Variants in ADAM19 observed in about 807,000 individuals in gnomAD.
The protein encoded by ADAM19 is ADAM metallopeptidase domain 19.
A neutral mutation model predicts 114.7 loss-of-function variants in ADAM19; 65 were observed. The observed-to-expected ratio is 0.57, with a 90% CI of 0.46 to 0.70. ADAM19 has a LOEUF of 0.70. ADAM19 is among the 30% of genes least tolerant of loss of function. ADAM19 has a pLI of 0.00. For missense variants in ADAM19, 1,063 were observed against 1,204.7 expected, an observed-to-expected ratio of 0.88 and a Z score of 1.74; for synonymous variants, 466 against 460.5, an observed-to-expected ratio of 1.01 and a Z score of -0.15.
chr5:157,550,998 G>T (rs1757179253), intron 3 of ADAM19, among the ~76,000 whole-genome samples: 1 of 152,132 alleles, frequency 6.6e-6, no homozygotes, highest in Non-Finnish European at 1.5e-5. Flanking sequence ...CCACGAAAAT[G>T]ATATGATAGT....
At chr5:157,500,615 C>T (rs1047895280) in intron 12 of ADAM19, among the ~76,000 whole-genome samples, 1 of 152,166 alleles carries the variant, frequency 6.6e-6, no homozygotes, top group Non-Finnish European at 1.5e-5. Flanking sequence ...CAAGAGTCTG[C>T]TGGAACAACC....
chr5:157,490,548 G>T lies in ADAM19; in HGVS notation c.2096-94C>A, dbSNP rs115504583. ...ATTCGTGCTTCTTCTTCAGGCATTT[G>T]ATTTGCATTTAATTTGTATTACTTA... On this transcript the variant is annotated intron_variant, in intron 18 of 22. Coordinates refer to ENST00000257527, the MANE Select transcript of ADAM19 (RefSeq NM_033274.5). The T allele has an allele frequency of 1.6e-3, 2,221 of 1,416,158 alleles. 24 individuals are homozygous for T. In the African/African-American group the frequency reaches 0.027, roughly 17 times the overall value. 87.7% of individuals were successfully genotyped at this position (1,416,158 alleles called of 1,614,324 possible). A position where few individuals can be genotyped will look rare whatever the true frequency, so the allele number is the denominator to read the frequency against.
At chr5:157,549,209 C>G (rs1757125615) in intron 3 of ADAM19, among the ~76,000 whole-genome samples, 1 of 152,212 alleles carries the variant, frequency 6.6e-6, no homozygotes, top group Non-Finnish European at 1.5e-5. Context: ...TCACCTACTT[C>G]CCTGACCACA....
chr5:157,536,109 A>C (rs887697599), intron 4 of ADAM19, among the ~76,000 whole-genome samples: 1 of 152,222 alleles, frequency 6.6e-6, no homozygotes, highest in African/African-American at 2.4e-5. Flanking sequence ...CCCATCCAAG[A>C]AAGTCTTGGT....
Position 157,477,325 on chromosome 5 carries a change from A to G in ADAM19, c.*3624T>C. 3 of 999,740 alleles carry G rather than the reference A, an allele frequency of 3.0e-6. No homozygotes were observed. Among genetic ancestry groups the G allele is most frequent in the Non-Finnish European group, 3.6e-6 (3 of 837,658 alleles). The allele number at this position is 999,740 out of a possible 1,614,324, so 61.9% of individuals were successfully genotyped here. A position where few individuals can be genotyped will look rare whatever the true frequency, so the allele number is the denominator to read the frequency against. On this transcript the variant is annotated 3_prime_UTR_variant, in exon 23 of 23. Coordinates refer to ENST00000257527, the MANE Select transcript of ADAM19 (RefSeq NM_033274.5). Reference sequence around the variant, plus strand: ...CAGATAACATTGCAAATGACAAACAATTCATTTTTAATTAAATACTAACAA... The same window carrying G: ...CAGATAACATTGCAAATGACAAACAGTTCATTTTTAATTAAATACTAACAA...
At chr5:157,562,511 CA>C (rs1163095953) in intron 3 of ADAM19, among the ~76,000 whole-genome samples, 1 of 152,220 alleles carries the variant, frequency 6.6e-6, no homozygotes, top group Admixed American at 6.5e-5. Flanking sequence ...TTTATCCTCA[CA>C]ACCATCCCAC....
chr5:157,526,173 TAC>T (rs35119605), intron 5 of ADAM19, among the ~76,000 whole-genome samples: 3,454 of 109,140 alleles, frequency 0.032, 50 homozygotes, highest in African/African-American at 0.056. Context: ...TATATATATA[TAC>T]ACACACACAC....
Position 157,518,799 on chromosome 5 carries a change from C to G in ADAM19, c.666+24G>C. On this transcript the variant is annotated intron_variant, in intron 7 of 22. Coordinates refer to ENST00000257527, the MANE Select transcript of ADAM19 (RefSeq NM_033274.5). Reference sequence around the variant, plus strand: ...AGCTATCAAGAGAGCAGTTTTTCTGCAAGACCCATTGCCTCCCCCTTACCT... The same window carrying G: ...AGCTATCAAGAGAGCAGTTTTTCTGGAAGACCCATTGCCTCCCCCTTACCT... The G allele has an allele frequency of 1.9e-6, 3 of 1,598,252 alleles. No homozygotes were observed. The South Asian group carries it at 3.3e-5, about 18-fold the overall frequency.
intron 6 of ADAM19, 89 bp from the exon 7 acceptor site, chr5:157,518,977 G>C: frequency 3.8e-6 from 4 of 1,058,178 alleles, no homozygotes; most frequent in Non-Finnish European, 5.9e-6. Context: ...TGCTGGATAA[G>C]CAGCAGCTAC....
chr5:157,498,208 ACT>A (rs3063043), intron 13 of ADAM19, among the ~76,000 whole-genome samples: 50,414 of 151,974 alleles, frequency 0.33, 9,876 homozygotes, highest in African/African-American at 0.55. Context: ...TCCACCGGCC[ACT>A]CTCAGGCCAA....
intron 3 of ADAM19, among the ~76,000 whole-genome samples, chr5:157,548,394 T>G (rs1757104549): frequency 6.6e-6 from 1 of 152,220 alleles, no homozygotes; most frequent in Non-Finnish European, 1.5e-5. Context: ...TGCCACATAG[T>G]TGGCACTCAC....
chr5:157,502,738 T>C, intron 12 of ADAM19, 65 bp downstream of exon 12: 5 of 1,560,764 alleles, frequency 3.2e-6, no homozygotes, highest in South Asian at 2.3e-5. Context: ...GTGTTCTCTT[T>C]GACCTTGAGT....
chr5:157,560,073 G>A (rs1437648638), intron 3 of ADAM19, among the ~76,000 whole-genome samples: 1 of 151,540 alleles, frequency 6.6e-6, no homozygotes, highest in African/African-American at 2.4e-5. Flanking sequence ...AGACCATCCC[G>A]GCTAAAACGG....
At chr5:157,519,041 A>G (rs2042247) in intron 6 of ADAM19, among the ~76,000 whole-genome samples, 153 bp from the exon 7 acceptor site, 88,692 of 152,060 alleles carry the variant, frequency 0.58, 27,107 homozygotes, top group African/African-American at 0.76. Context: ...TGTGGTGGCC[A>G]TCACTCATAT....
At chr5:157,530,674 C>A in intron 5 of ADAM19, 133 bp downstream of exon 5, 1 of 686,396 alleles carries the variant, frequency 1.5e-6, no homozygotes, top group African/African-American at 1.8e-5. Context: ...CCAGGCTCAG[C>A]CCCTCTCTGG....
intron 22 of ADAM19, 27 bp from the exon 23 acceptor site, chr5:157,481,029 G>C (rs765675796): frequency 1.9e-6 from 3 of 1,613,970 alleles, no homozygotes; most frequent in Non-Finnish European, 2.5e-6. Flanking sequence ...GGGAGGGAGA[G>C]AGACATCAGC....
At chr5:157,574,103 C>T (rs1006970455) in intron 1 of ADAM19, among the ~76,000 whole-genome samples, 1 of 152,126 alleles carries the variant, frequency 6.6e-6, no homozygotes, top group Non-Finnish European at 1.5e-5. Context: ...CGAAACTGTA[C>T]TTATGGGTAT....
At position 157,488,352 on chromosome 5, in the gene ADAM19, G is replaced by A. The variant is rs200386822; in HGVS notation, c.2463C>T (p.Pro821=). 7.5e-5 allele frequency: 121 copies of A among 1,614,182 alleles called. 1 individual carries two copies. The Middle Eastern group carries it at 8.2e-3, about 110-fold the overall frequency. ...LSRAARNSPG[P]GSQIERTESS... Reference sequence around the variant, plus strand: ...ACTCCGTCCTCTCTATTTGAGACCCGGGCCCTGGGGAGTTCCTAGCAGCCC... The same window carrying A: ...ACTCCGTCCTCTCTATTTGAGACCCAGGCCCTGGGGAGTTCCTAGCAGCCC... The change falls in exon 21 of 23, where the codon CCC becomes CCT. Residue 821 remains proline, a synonymous_variant. Coordinates refer to ENST00000257527, the MANE Select transcript of ADAM19 (RefSeq NM_033274.5).
chr5:157,527,677 C>T lies in ADAM19; in HGVS notation c.407+3130G>A, dbSNP rs1474142207. On this transcript the variant is annotated intron_variant, in intron 5 of 22. Transcript: ENST00000257527. ...ATTTGGGTGGGGACACAGAGCCAAA[C>T]CATATCAATTACATATCTACGTTCT... Among the ~76,000 whole-genome samples the T allele has an allele frequency of 2.6e-5, 4 of 152,062 alleles. No individual in the cohort carries two copies. The East Asian group carries it at 7.7e-4, about 29-fold the overall frequency.
Sources: gnomAD v4.1 joint callset for allele counts (sites outside exome capture counted in the v4.1 genomes callset) on GRCh38, gnomAD v4.1.1 for gene constraint, MANE v1.5 for transcripts, NCBI Gene and HGNC (gene_info 2026-07-23, HGNC 2026-07-21) for gene names.